Variants in FXR2 observed in about 807,000 individuals in gnomAD.
FXR2 encodes the protein RNA-binding protein FXR2.
In FXR2, 9 loss-of-function variants were observed where a neutral mutation model predicts 87.3. That is an observed-to-expected ratio of 0.10 (90% CI 0.06 to 0.18). The LOEUF is 0.18. FXR2 is among the 10% of genes least tolerant of loss of function. The pLI, the probability that FXR2 is intolerant of heterozygous loss-of-function variation, is 1.00. For missense variants in FXR2, 661 were observed against 893.6 expected (o/e 0.74, Z 3.32); for synonymous variants, 331 against 328.3 (o/e 1.01, Z -0.09).
intron 3 of FXR2, among the ~76,000 whole-genome samples, 172 bp from the exon 4 acceptor site, chr17:7,604,252 A>T (rs2071783601): frequency 6.6e-6 from 1 of 151,744 alleles, no homozygotes; most frequent in Non-Finnish European, 1.5e-5. Context: ...GGCAACATAA[A>T]CAATAGAACA....
intron 1 of FXR2, chr17:7,614,074 G>C (rs1027651808): frequency 4.1e-6 from 2 of 484,996 alleles, no homozygotes; most frequent in African/African-American, 3.9e-5. Flanking sequence ...AATTCTCCAT[G>C]TGCTTGGATC....
chr17:7,613,439 G>C (rs2071894210), intron 1 of FXR2, among the ~76,000 whole-genome samples: 1 of 152,162 alleles, frequency 6.6e-6, no homozygotes, highest in Admixed American at 6.5e-5. Flanking sequence ...CTAGAAAATA[G>C]ATTCAGAGCA....
chr17:7,609,804 G>T (rs1326137002), intron 1 of FXR2, among the ~76,000 whole-genome samples: 1 of 151,432 alleles, frequency 6.6e-6, no homozygotes, highest in Non-Finnish European at 1.5e-5. Context: ...GAGGTCGGTA[G>T]ATCAGCTGAG....
chr17:7,613,549 C>G (rs960879872), intron 1 of FXR2, among the ~76,000 whole-genome samples: 6 of 152,054 alleles, frequency 3.9e-5, no homozygotes, highest in African/African-American at 1.2e-4. Context: ...TCCCGTCTTC[C>G]AAAAAAGGTT....
intron 7 of FXR2, among the ~76,000 whole-genome samples, chr17:7,598,328 G>A (rs972628486): frequency 1.3e-5 from 2 of 152,066 alleles, no homozygotes; most frequent in Admixed American, 1.3e-4. Context: ...GGTGGCAGGC[G>A]CCTGTAGTCC....
chr17:7,600,883 CA>C (rs1567750526), intron 7 of FXR2, among the ~76,000 whole-genome samples: 1 of 149,458 alleles, frequency 6.7e-6, no homozygotes, highest in African/African-American at 2.5e-5. Flanking sequence ...GACTCCGTCT[CA>C]AAAAAAACCA....
In FXR2 at chr17:7,603,011, G is replaced by T. The variant is rs1326966341; in HGVS notation, c.450-9C>A. On this transcript the variant is annotated splice_polypyrimidine_tract_variant and intron_variant, in intron 5 of 16. Transcript: ENST00000250113. Reference sequence around the variant, plus strand: ...CGTTTTCATTGGAGCAGCTGCAGAGGAAAAAAGTACTCAGCGGGCAGAATG... The same window carrying T: ...CGTTTTCATTGGAGCAGCTGCAGAGTAAAAAAGTACTCAGCGGGCAGAATG... 2 of 1,467,024 alleles carry T rather than the reference G, an allele frequency of 1.4e-6. No individual in the cohort carries two copies. Among genetic ancestry groups the T allele is most frequent in the Non-Finnish European group, 1.9e-6 (2 of 1,052,446 alleles). The allele number at this position is 1,467,024 out of a possible 1,614,324, so 90.9% of individuals were successfully genotyped here.
chr17:7,614,458 G>A lies in FXR2; in HGVS notation c.75C>T (p.Phe25=). 6.5e-7 allele frequency: 1 copy of A among 1,540,190 alleles called. No homozygotes were observed. ...AGTCGGCGCGCCGTCTCACCTTGTAGAAGGCCCCGTTGGAGCCGCGCACCT... is the reference window on the plus strand; with the variant it reads ...AGTCGGCGCGCCGTCTCACCTTGTAAAAGGCCCCGTTGGAGCCGCGCACCT... ...PVEVRGSNGA[F]YKGFVKDVHE... Residue 25 remains phenylalanine, a synonymous_variant, in exon 1 of 17, where the codon TTC becomes TTT. Coordinates refer to ENST00000250113, the MANE Select transcript of FXR2 (RefSeq NM_004860.4).
chr17:7,591,548 T>A lies in FXR2; in HGVS notation c.*282A>T. 4.8e-6 allele frequency: 2 copies of A among 414,032 alleles called. No individual in the cohort carries two copies. Among genetic ancestry groups the A allele is most frequent in the Non-Finnish European group, 9.1e-6 (2 of 220,932 alleles). 25.6% of individuals were successfully genotyped at this position (414,032 alleles called of 1,614,324 possible). A position where few individuals can be genotyped will look rare whatever the true frequency, so the allele number is the denominator to read the frequency against. On this transcript the variant is annotated 3_prime_UTR_variant, in exon 17 of 17. Coordinates refer to ENST00000250113, the MANE Select transcript of FXR2 (RefSeq NM_004860.4). The surrounding 1 kb of genome is among the most constrained non-coding windows in gnomAD (Gnocchi z 4.0). Reference sequence around the variant, plus strand: ...ACCAACAGGTGGAGAATGGGGGTGTTCAGAGAGAGATTGGGGCATTAGAGG... The same window carrying A: ...ACCAACAGGTGGAGAATGGGGGTGTACAGAGAGAGATTGGGGCATTAGAGG...
chr17:7,603,089 G>A, intron 5 of FXR2, 87 bp from the exon 6 acceptor site: 1 of 688,912 alleles, frequency 1.5e-6, no homozygotes, highest in Non-Finnish European at 2.6e-6. Context: ...GTTTGCACCT[G>A]TAATCCTAGC....
chr17:7,614,714 C>A lies in FXR2; in HGVS notation c.-182G>T, dbSNP rs1168934933. The A allele has an allele frequency of 3.5e-6, 1 of 289,756 alleles. No individual in the cohort carries two copies. Among genetic ancestry groups the A allele is most frequent in the Non-Finnish European group, 6.3e-6 (1 of 158,422 alleles). 17.9% of individuals were successfully genotyped at this position (289,756 alleles called of 1,614,324 possible). A position where few individuals can be genotyped will look rare whatever the true frequency, so the allele number is the denominator to read the frequency against. ...AACGAGCAGGGGGCCGGGGCCGGGC[C>A]GCTCCCCGTCCGCCGCCGCCGCCTT... On this transcript the variant is annotated 5_prime_UTR_variant, in exon 1 of 17. Coordinates refer to ENST00000250113, the MANE Select transcript of FXR2 (RefSeq NM_004860.4).
At position 7,594,141 on chromosome 17, in the gene FXR2, G is replaced by C; in HGVS notation, c.1020+97C>G. On this transcript the variant is annotated intron_variant, in intron 10 of 16. Transcript: ENST00000250113. The surrounding 1 kb of genome is among the most constrained non-coding windows in gnomAD (Gnocchi z 5.1). ...ATCTACTAGTGTTAAACAACTTTCC[G>C]TACTCCACCCTCTCAAAGAACAATC... is the stretch of plus-strand genomic sequence containing the variant. The C allele has an allele frequency of 1.1e-6, 1 of 903,264 alleles. No homozygotes were observed. The highest frequency in any genetic ancestry group is 1.8e-6 in the Non-Finnish European group (1 of 550,176). 56.0% of individuals were successfully genotyped at this position (903,264 alleles called of 1,614,324 possible).
At chr17:7,601,049 C>T (rs1343718600) in intron 7 of FXR2, among the ~76,000 whole-genome samples, 1 of 152,046 alleles carries the variant, frequency 6.6e-6, no homozygotes, top group Non-Finnish European at 1.5e-5. Flanking sequence ...TGTGGTGGCG[C>T]ACGCCTGTAA....
At chr17:7,602,245 A>G (rs1567751056) in intron 6 of FXR2, among the ~76,000 whole-genome samples, 2 of 151,922 alleles carry the variant, frequency 1.3e-5, no homozygotes, top group Non-Finnish European at 2.9e-5. Context: ...AATATGGTGA[A>G]ACCCTGTTTC....
Position 7,602,901 on chromosome 17 carries a change from A to G in FXR2, c.543+8T>C. On this transcript the variant is annotated splice_region_variant and intron_variant, in intron 6 of 16. Coordinates refer to ENST00000250113, the MANE Select transcript of FXR2 (RefSeq NM_004860.4). ...GGCTTATGTGAAATTCAGGCAGAAT[A>G]AACTCACCAGAATGAAGAGCTCACT... 1 of 1,374,030 alleles carries G rather than the reference A, an allele frequency of 7.3e-7. No homozygotes were observed. Among genetic ancestry groups the G allele is most frequent in the Non-Finnish European group, 1.0e-6 (1 of 964,840 alleles). The allele number at this position is 1,374,030 out of a possible 1,614,324, so 85.1% of individuals were successfully genotyped here.
At chr17:7,597,542 A>G (rs892564149) in intron 7 of FXR2, among the ~76,000 whole-genome samples, 2 of 150,510 alleles carry the variant, frequency 1.3e-5, no homozygotes, top group Non-Finnish European at 3.0e-5. Context: ...GTGCAGTGGC[A>G]TGATCTCTGC....
chr17:7,597,458 T>C (rs1048587609), intron 7 of FXR2, among the ~76,000 whole-genome samples: 1 of 151,916 alleles, frequency 6.6e-6, no homozygotes, highest in African/African-American at 2.4e-5. Flanking sequence ...GTCTTCTAGA[T>C]AAGCTTGCAG....
In FXR2 at chr17:7,593,600, C is replaced by A; in HGVS notation, c.1133G>T (p.Arg378Met). 6.3e-7 allele frequency: 1 copy of A among 1,593,072 alleles called. No homozygotes were observed. The highest frequency in any genetic ancestry group is 8.5e-7 in the Non-Finnish European group (1 of 1,170,872). ...CCGAAGCTGCTCATCAATTTGTAGC[C>A]TCTCCAAGCGAAGCTGCTCTACCTC... ...LQEVEQLRLERLQIDEQLRQI... is the reference protein window; with the variant it reads ...LQEVEQLRLEMLQIDEQLRQI... Residue 378 changes from arginine (R) to methionine (M), a missense_variant, in exon 12 of 17, where the codon AGG becomes ATG. Arg to Met is a moderately conservative substitution (Grantham distance 91). Around this residue, in one of 3 missense-constraint regions of FXR2, gnomAD observed 409 missense variants for 432.0 expected, o/e 0.95. Coordinates refer to ENST00000250113, the MANE Select transcript of FXR2 (RefSeq NM_004860.4). The surrounding 1 kb of genome is among the most constrained non-coding windows in gnomAD (Gnocchi z 6.1).
At chr17:7,602,238 A>G (rs1350284670) in intron 6 of FXR2, among the ~76,000 whole-genome samples, 1 of 152,144 alleles carries the variant, frequency 6.6e-6, no homozygotes, top group Non-Finnish European at 1.5e-5. Flanking sequence ...CCTGACCAAT[A>G]TGGTGAAACC....
Sources: allele counts gnomAD v4.1 joint callset (sites outside exome capture counted in the v4.1 genomes callset), GRCh38; gene constraint gnomAD v4.1.1; regional missense constraint gnomAD v4.1.1; non-coding constraint Gnocchi (gnomAD v3.1); transcripts MANE v1.5; gene names NCBI Gene and HGNC (gene_info 2026-07-23, HGNC 2026-07-21).